Variants in GRM6 observed in about 807,000 individuals in gnomAD.
The protein encoded by GRM6 is metabotropic glutamate receptor 6.
Under a neutral mutation model 78.4 loss-of-function variants are expected in GRM6, and 73 were observed. The observed-to-expected ratio is 0.93, with a 90% CI of 0.77 to 1.13. The LOEUF (loss-of-function observed/expected upper bound fraction) is 1.13, where lower values mean the gene tolerates loss of function less well. Ranked by LOEUF, GRM6 falls within the 50% of genes most tolerant of loss-of-function variation. The probability of loss-of-function intolerance (pLI) is 0.00; values close to 1 mark genes in which losing one functional copy is unlikely to be tolerated. For missense variants in GRM6, 1,251 were observed against 1,256.4 expected (o/e 1.00, Z 0.07); for synonymous variants, 580 against 555.0 (o/e 1.05, Z -0.63).
chr5:178,981,413 G>GGCC lies in GRM6; in HGVS notation c.*243_*244insGGC. 1 of 543,864 alleles carries GGCC rather than the reference G, an allele frequency of 1.8e-6. No individual in the cohort carries two copies. The highest frequency in any genetic ancestry group is 3.3e-6 in the Non-Finnish European group (1 of 303,488). 33.7% of individuals were successfully genotyped at this position (543,864 alleles called of 1,614,324 possible). On this transcript the variant is annotated 3_prime_UTR_variant, in exon 11 of 11. Coordinates refer to ENST00000517717, the MANE Select transcript of GRM6 (RefSeq NM_000843.4). This position sits in a 1 kb window ranked among gnomAD's most constrained non-coding sequence, Gnocchi z 5.1. Reference sequence around the variant, plus strand: ...TTTCTAGAGCTAGAACCTTCTCGGTGGCTGTTTCCCACCATGGGAAGCGAG... The same window carrying GGCC: ...TTTCTAGAGCTAGAACCTTCTCGGTGGCCGCTGTTTCCCACCATGGGAAGCGAG...
intron 2 of GRM6, among the ~76,000 whole-genome samples, chr5:178,993,002 CA>C (rs980539414): frequency 2.0e-5 from 3 of 152,134 alleles, no homozygotes; most frequent in African/African-American, 7.2e-5. Flanking sequence ...GTGGTCCTCC[CA>C]GCTCTCCTGG....
chr5:178,989,699 G>A (rs758091380), intron 5 of GRM6: 4 of 510,396 alleles, frequency 7.8e-6, no homozygotes, highest in South Asian at 2.1e-5. Flanking sequence ...CAAACTCAGA[G>A]CCTCACCATT....
At chr5:178,990,796 C>A in intron 4 of GRM6, 50 bp from the exon 5 acceptor site, 6 of 1,471,062 alleles carry the variant, frequency 4.1e-6, no homozygotes, top group Non-Finnish European at 5.6e-6. Flanking sequence ...CCTCCTCCAG[C>A]TCGGCCCCCA....
Position 178,994,808 on chromosome 5 carries a change from G to T in GRM6, c.137C>A (p.Pro46Gln). Residue 46 changes from proline to glutamine, a missense_variant, in exon 2 of 11, where the codon CCG becomes CAG. Coordinates refer to ENST00000517717, the MANE Select transcript of GRM6 (RefSeq NM_000843.4). ...AGGLTLGGLF[P>Q]VHARGAAGRA... ...GCCCGCCGCGCCCCGCGCGTGCACC[G>T]GGAACAGGCCGCCCAGCGTCAGGCC... 1 of 1,280,478 alleles carries T rather than the reference G, an allele frequency of 7.8e-7. No homozygotes were observed. The highest frequency in any genetic ancestry group is 2.2e-5 in the South Asian group (1 of 44,704). The allele number at this position is 1,280,478 out of a possible 1,614,324, so 79.3% of individuals were successfully genotyped here.
chr5:178,990,748 T>C lies in GRM6; in HGVS notation c.858-2A>G. The C allele has an allele frequency of 6.4e-7, 1 of 1,562,856 alleles. No individual in the cohort carries two copies. Among genetic ancestry groups the C allele is most frequent in the Non-Finnish European group, 8.7e-7 (1 of 1,154,478 alleles). On this transcript the variant is annotated splice_acceptor_variant, in intron 4 of 10. Transcript: ENST00000517717. LOFTEE classifies it high-confidence loss of function. ...TGGCGAGCTGCCTCCAGGACCCGCC[T>C]GGTAGGAGCAGGGCTGGGGTGAGGG...
At chr5:178,989,157 A>G (rs1561719230) in intron 6 of GRM6, 22 bp from the exon 7 acceptor site, 1 of 1,611,468 alleles carries the variant, frequency 6.2e-7, no homozygotes, top group East Asian at 2.2e-5. Flanking sequence ...ATGCCCAGAG[A>G]AAGTGTGCCC....
At position 178,994,494 on chromosome 5, in the gene GRM6, C is replaced by G; in HGVS notation, c.451G>C (p.Ala151Pro). 5.5e-6 allele frequency: 8 copies of G among 1,447,628 alleles called. No individual in the cohort carries two copies. Among genetic ancestry groups the G allele is most frequent in the South Asian group, 1.3e-5 (1 of 74,162 alleles). 89.7% of individuals were successfully genotyped at this position (1,447,628 alleles called of 1,614,324 possible). Reference protein sequence around the residue: ...PPERVVAVVGASASSVSIMVA... With the variant: ...PPERVVAVVGPSASSVSIMVA... ...ATGATGGAGACGGAGCTGGCCGAGG[C>G]GCCCACGACGGCCACGACGCGCTCG... Residue 151 changes from alanine (A) to proline (P), a missense_variant, in exon 2 of 11, where the codon GCC becomes CCC. Ala to Pro is a conservative substitution (Grantham distance 27). Coordinates refer to ENST00000517717, the MANE Select transcript of GRM6 (RefSeq NM_000843.4).
chr5:178,986,101 C>A, intron 9 of GRM6, 29 bp downstream of exon 9: 1 of 1,603,798 alleles, frequency 6.2e-7, no homozygotes, highest in Non-Finnish European at 8.5e-7. Context: ...CCCCTCCCTG[C>A]CCTGGCCCTT....
chr5:178,987,191 C>G (rs755244966), intron 7 of GRM6: 1 of 694,770 alleles, frequency 1.4e-6, no homozygotes, highest in African/African-American at 1.8e-5. Context: ...GTGTTGTGAG[C>G]GTGTGGAGAA....
In GRM6 at chr5:178,989,353, G is replaced by C. The variant is rs1319975507; in HGVS notation, c.1065C>G (p.Ile355Met). 2 of 1,613,940 alleles carry C rather than the reference G, an allele frequency of 1.2e-6. No homozygotes were observed. The highest frequency in any genetic ancestry group is 1.7e-6 in the Non-Finnish European group (2 of 1,179,842). ...TRSLENNRRN[I>M]WFAEFWEENF... is the part of the protein sequence containing the mutation. ...TCTCTTCCCAGAACTCGGCGAACCA[G>C]ATGTTCCTGCGGTTGTTCTCCAGGG... The change falls in exon 6 of 11, where the codon ATC becomes ATG. Residue 355 changes from isoleucine (I) to methionine (M), a missense_variant. Ile to Met is a conservative substitution (Grantham distance 10). Transcript: ENST00000517717.
In GRM6 at chr5:178,982,896, G is replaced by A; in HGVS notation, c.2436+14C>T. ...CAGGAAACAGGCAGCGAGACCTCCT[G>A]GGGACCTCATTACCTTTTCAGCTGA... On this transcript the variant is annotated intron_variant, in intron 10 of 10. Coordinates refer to ENST00000517717, the MANE Select transcript of GRM6 (RefSeq NM_000843.4). 6.3e-7 allele frequency: 1 copy of A among 1,598,594 alleles called. No homozygotes were observed. Among genetic ancestry groups the A allele is most frequent in the Non-Finnish European group, 8.6e-7 (1 of 1,165,934 alleles).
At position 178,986,569 on chromosome 5, in the gene GRM6, A is replaced by T. The variant is rs371926389; in HGVS notation, c.1685T>A (p.Met562Lys). ...EFTCEACPGD[M>K]RPTPNHTGCR... ...GCCCGTGTGGTTGGGCGTGGGCCTC[A>T]TGTCCCCAGGACAGGCCTCGCATGT... The change falls in exon 9 of 11, where the codon ATG becomes AAG. Residue 562 changes from methionine (M) to lysine (K), a missense_variant. Coordinates refer to ENST00000517717, the MANE Select transcript of GRM6 (RefSeq NM_000843.4). 1.2e-6 allele frequency: 2 copies of T among 1,607,666 alleles called. No homozygotes were observed. The highest frequency in any genetic ancestry group is 1.7e-6 in the Non-Finnish European group (2 of 1,179,664).
At chr5:178,985,623 A>G (rs1185659747) in intron 9 of GRM6, 31 of 365,700 alleles carry the variant, frequency 8.5e-5, no homozygotes, top group Non-Finnish European at 1.6e-4. Context: ...GAATGGCGTG[A>G]ACCCGGAAGG....
intron 10 of GRM6, among the ~76,000 whole-genome samples, chr5:178,982,297 C>A (rs75539122): frequency 2.0e-5 from 3 of 152,138 alleles, no homozygotes; most frequent in Admixed American, 2.0e-4. Flanking sequence ...GCACATGAAG[C>A]CTGGGCGCAG....
intron 9 of GRM6, chr5:178,985,850 C>A: frequency 1.8e-6 from 1 of 544,182 alleles, no homozygotes; most frequent in Non-Finnish European, 3.4e-6. Context: ...CAACCTTCAA[C>A]TCTTGGGCTC....
At position 178,992,194 on chromosome 5, in the gene GRM6, C is replaced by T. The variant is rs956866359; in HGVS notation, c.505-111G>A. 9.2e-6 allele frequency: 7 copies of T among 762,030 alleles called. No homozygotes were observed. In the Admixed American group the frequency reaches 1.0e-4, roughly 11 times the overall value. 47.2% of individuals were successfully genotyped at this position (762,030 alleles called of 1,614,324 possible). A position where few individuals can be genotyped will look rare whatever the true frequency, so the allele number is the denominator to read the frequency against. On this transcript the variant is annotated intron_variant, in intron 2 of 10. Transcript: ENST00000517717. This position sits in a 1 kb window ranked among gnomAD's most constrained non-coding sequence, Gnocchi z 4.9. ...GGGCACAGAAGGTGTGTGGCATGGACCTGGGACACAGATGGGAGATGGAAG... is the reference window on the plus strand; with the variant it reads ...GGGCACAGAAGGTGTGTGGCATGGATCTGGGACACAGATGGGAGATGGAAG...
intron 7 of GRM6, chr5:178,987,565 G>A (rs1760593136): frequency 9.8e-6 from 4 of 408,060 alleles, no homozygotes; most frequent in Non-Finnish European, 5.0e-6. Flanking sequence ...TCACACATGC[G>A]CAAATACCGT....
chr5:178,983,054 C>A lies in GRM6; in HGVS notation c.2292G>T (p.Thr764=), dbSNP rs781607214. ...GGGCCTTGATGGCGTACACTGTGCA[C>A]GTGACCATGAGCAGGAGGCTGTAGC... is the stretch of plus-strand genomic sequence containing the variant. ...CLGYSLLLMV[T]CTVYAIKARG... is the part of the protein sequence containing the mutation. Residue 764 remains threonine (T), a synonymous_variant, in exon 10 of 11, where the codon ACG becomes ACT. Transcript: ENST00000517717. 5.0e-6 allele frequency: 8 copies of A among 1,614,120 alleles called. No homozygotes were observed. The highest frequency in any genetic ancestry group is 3.3e-5 in the South Asian group (3 of 91,086).
intron 1 of GRM6, 95 bp from the exon 2 acceptor site, chr5:178,995,055 A>C (rs1760749264): frequency 3.0e-6 from 2 of 665,766 alleles, no homozygotes; most frequent in Non-Finnish European, 3.8e-6. Context: ...TCCTGGGGAG[A>C]AGGCGCTCGG....
Sources: allele counts gnomAD v4.1 joint callset (sites outside exome capture counted in the v4.1 genomes callset), GRCh38; gene constraint gnomAD v4.1.1; non-coding constraint Gnocchi (gnomAD v3.1); transcripts MANE v1.5; gene names NCBI Gene and HGNC (gene_info 2026-07-23, HGNC 2026-07-21).